Variants in SNF8 observed in about 807,000 individuals in gnomAD.
SNF8 encodes SNF8 subunit of ESCRT-II.
A neutral mutation model predicts 36.8 loss-of-function variants in SNF8; 19 were observed. The observed-to-expected ratio is 0.52, with a 90% confidence interval of 0.36 to 0.76. The LOEUF is 0.76. Among genes scored for constraint, SNF8 ranks in the 30% least tolerant of loss-of-function variants. The pLI, the probability that SNF8 is intolerant of heterozygous loss-of-function variation, is 0.00. For missense variants in SNF8, 268 were observed against 322.9 expected, an observed-to-expected ratio of 0.83 and a Z score of 1.30; for synonymous variants, 127 against 127.4, an observed-to-expected ratio of 1.00 and a Z score of 0.02.
chr17:48,935,341 G>A (rs1268595497), intron 5 of SNF8, among the ~76,000 whole-genome samples: 6 of 151,584 alleles, frequency 4.0e-5, no homozygotes, highest in South Asian at 4.2e-4. Context: ...GTGAAACCCC[G>A]TCTCTACTAA....
At chr17:48,944,629 C>T (rs201125629) in intron 1 of SNF8, 52 bp downstream of exon 1, 66 of 1,581,466 alleles carry the variant, frequency 4.2e-5, no homozygotes, top group African/African-American at 1.4e-5. Context: ...CGGGACAATT[C>T]AGTCTCGCAC....
chr17:48,933,398 A>C, intron 5 of SNF8, 52 bp from the exon 6 acceptor site: 1 of 1,604,874 alleles, frequency 6.2e-7, no homozygotes. Context: ...AGACCTAACA[A>C]CACAGTTTCA....
chr17:48,930,467 A>G lies in SNF8; in HGVS notation c.*8T>C, dbSNP rs1341610786. On this transcript the variant is annotated 3_prime_UTR_variant, in exon 8 of 8. Transcript: ENST00000502492. ...CCTGCCTGCTGCTGTGTGCCCTTCCACATGCAGTCAGGGGAGGGCTTCTCT... is the reference window on the plus strand; with the variant it reads ...CCTGCCTGCTGCTGTGTGCCCTTCCGCATGCAGTCAGGGGAGGGCTTCTCT... 21 of 1,588,712 alleles carry G rather than the reference A, an allele frequency of 1.3e-5. No homozygotes were observed. Among genetic ancestry groups the G allele is most frequent in the Non-Finnish European group, 1.7e-5 (20 of 1,165,244 alleles).
intron 5 of SNF8, among the ~76,000 whole-genome samples, chr17:48,935,179 T>C (rs910089881): frequency 7.9e-5 from 12 of 151,972 alleles, no homozygotes; most frequent in African/African-American, 2.4e-4. Context: ...AAAACCAGCC[T>C]GGCCAACAAC....
chr17:48,937,341 T>C (rs1425172206), intron 3 of SNF8: 1 of 660,112 alleles, frequency 1.5e-6, no homozygotes, highest in Non-Finnish European at 2.8e-6. Context: ...CTAAAAGTCA[T>C]TTCTGGCCGG....
chr17:48,933,593 TAGC>T (rs2040892318), intron 5 of SNF8: 2 of 438,060 alleles, frequency 4.6e-6, no homozygotes, highest in Non-Finnish European at 8.3e-6. Context: ...AATAAAAAAT[TAGC>T]AGGGCATGGT....
chr17:48,931,574 AT>A (rs2040859606), intron 7 of SNF8, 68 bp downstream of exon 7: 1 of 1,299,306 alleles, frequency 7.7e-7, no homozygotes, highest in Admixed American at 1.9e-5. Flanking sequence ...AAGTTCCTGC[AT>A]TTGTGGAACC....
At chr17:48,944,557 C>T (rs1038346623) in intron 1 of SNF8, 124 bp downstream of exon 1, 21 of 1,106,316 alleles carry the variant, frequency 1.9e-5, no homozygotes, top group African/African-American at 3.2e-5. Flanking sequence ...ATTCTGTGTC[C>T]CGGGGCCGAG....
chr17:48,938,607 C>G (rs1463751975), intron 3 of SNF8, among the ~76,000 whole-genome samples: 1 of 152,028 alleles, frequency 6.6e-6, no homozygotes, highest in Admixed American at 6.6e-5. Flanking sequence ...CAGTGGCTCA[C>G]GCCTGTAATC....
chr17:48,933,106 A>G (rs2040882906), intron 6 of SNF8, 99 bp downstream of exon 6: 1 of 1,365,786 alleles, frequency 7.3e-7, no homozygotes, highest in African/African-American at 1.4e-5. Context: ...TAGTCTCAGC[A>G]AAAGACCTGC....
chr17:48,941,783 C>T (rs1399677711), intron 2 of SNF8, among the ~76,000 whole-genome samples: 1 of 152,028 alleles, frequency 6.6e-6, no homozygotes, highest in Non-Finnish European at 1.5e-5. Flanking sequence ...CTTCGCCTCC[C>T]AGTTCAAGTT....
chr17:48,942,064 C>G (rs1369682345), intron 2 of SNF8, among the ~76,000 whole-genome samples: 1 of 152,048 alleles, frequency 6.6e-6, no homozygotes, highest in African/African-American at 2.4e-5. Context: ...GGGATCAACT[C>G]CAGATAAAGA....
At chr17:48,937,475 A>G (rs1252456885) in intron 3 of SNF8, among the ~76,000 whole-genome samples, 1 of 151,908 alleles carries the variant, frequency 6.6e-6, no homozygotes, top group African/African-American at 2.4e-5. Flanking sequence ...TAATAATAAT[A>G]ATAAATTAGC....
At chr17:48,936,763 T>G in intron 4 of SNF8, 1 of 526,534 alleles carries the variant, frequency 1.9e-6, no homozygotes, top group Non-Finnish European at 3.4e-6. Context: ...ACTTCCTACC[T>G]CTCTACTATT....
chr17:48,938,379 C>G (rs899326313), intron 3 of SNF8, among the ~76,000 whole-genome samples: 1 of 151,560 alleles, frequency 6.6e-6, no homozygotes, highest in Non-Finnish European at 1.5e-5. Context: ...ACCTGTAATC[C>G]CAACTACTTG....
Position 48,933,198 on chromosome 17 carries a change from C to G in SNF8, c.564+7G>C. On this transcript the variant is annotated splice_region_variant and intron_variant, in intron 6 of 7. Transcript: ENST00000502492. ...GCACACACACACACTCGAAGGTGCA[C>G]CAGTACCTCTGCCAGCTGCAGCACC... is the stretch of plus-strand genomic sequence containing the variant. 1 of 1,613,006 alleles carries G rather than the reference C, an allele frequency of 6.2e-7. No individual in the cohort carries two copies.
At chr17:48,933,833 G>T (rs557643194) in intron 5 of SNF8, among the ~76,000 whole-genome samples, 2 of 152,358 alleles carry the variant, frequency 1.3e-5, no homozygotes, top group Admixed American at 1.3e-4. Flanking sequence ...ATACACAGGA[G>T]TCAGGCTGTC....
intron 3 of SNF8, among the ~76,000 whole-genome samples, chr17:48,937,866 C>A (rs980076714): frequency 2.6e-5 from 4 of 151,844 alleles, no homozygotes; most frequent in African/African-American, 9.7e-5. Flanking sequence ...GCAGAGGTTG[C>A]AGTGAGCCGG....
intron 5 of SNF8, 148 bp from the exon 6 acceptor site, chr17:48,933,494 C>T: frequency 1.2e-6 from 1 of 847,636 alleles, no homozygotes; most frequent in Non-Finnish European, 1.8e-6. Context: ...AATCGCAACA[C>T]TTTTGGGATG....
Sources: allele counts gnomAD v4.1 joint callset (sites outside exome capture counted in the v4.1 genomes callset), GRCh38; gene constraint gnomAD v4.1.1; transcripts MANE v1.5; gene names NCBI Gene and HGNC (gene_info 2026-07-23, HGNC 2026-07-21).